The following ADGRG1 variants were observed in gnomAD, a reference collection of about 807,000 sequenced individuals.
The protein encoded by ADGRG1 is 7-transmembrane protein with no EGF-like N-terminal domains-1.
In ADGRG1, 53 loss-of-function variants were observed where a neutral mutation model predicts 73.5. The observed-to-expected ratio is 0.72, with a 90% CI of 0.58 to 0.91. The LOEUF (loss-of-function observed/expected upper bound fraction) is 0.91. ADGRG1 is among the 40% of genes least tolerant of loss of function. The probability of loss-of-function intolerance (pLI) is 0.00; values close to 1 mark genes in which losing one functional copy is unlikely to be tolerated. For synonymous variants in ADGRG1, 394 were observed against 374.4 expected (o/e 1.05, Z -0.60); for missense variants, 795 against 871.8 (o/e 0.91, Z 1.11).
At chr16:57,645,131 C>T in intron 1 of ADGRG1, 1 of 985,468 alleles carries the variant, frequency 1.0e-6, no homozygotes, top group Non-Finnish European at 1.2e-6. Context: ...ACCCCCTGGG[C>T]CAAATCCTTG....
chr16:57,637,227 A>T, intron 1 of ADGRG1: 1 of 732,464 alleles, frequency 1.4e-6, no homozygotes, highest in Non-Finnish European at 1.7e-6. Context: ...AATGAGCTTC[A>T]TCATTTCAGT....
At chr16:57,644,080 G>C (rs2041579047) in intron 1 of ADGRG1, 1 of 985,374 alleles carries the variant, frequency 1.0e-6, no homozygotes, top group Non-Finnish European at 1.2e-6. Flanking sequence ...GGAAACACCT[G>C]CAAGAGCCCT....
At chr16:57,657,589 G>T in intron 10 of ADGRG1, 98 bp downstream of exon 10, 1 of 938,184 alleles carries the variant, frequency 1.1e-6, no homozygotes, top group South Asian at 1.3e-5. Flanking sequence ...CCGCCCGCAT[G>T]ACCTGGAACT....
chr16:57,651,874 G>A, intron 3 of ADGRG1: 1 of 1,428,296 alleles, frequency 7.0e-7, no homozygotes, highest in East Asian at 2.6e-5. Flanking sequence ...GGGTGAGGAT[G>A]GAAGGGCAAG....
In ADGRG1 at chr16:57,651,360, C is replaced by T. The variant is rs2044047426; in HGVS notation, c.225C>T (p.His75=). 2 of 1,614,232 alleles carry T rather than the reference C, an allele frequency of 1.2e-6. No individual in the cohort carries two copies. Among genetic ancestry groups the T allele is most frequent in the Non-Finnish European group, 1.7e-6 (2 of 1,180,042 alleles). ...LTVHAPFPAA[H]PASRSFPDPR... is the part of the protein sequence containing the mutation. ...TCCATGCCCCTTTCCCTGCAGCCCACCCTGCTTCCCGATCCTTCCCTGACC... is the reference window on the plus strand; with the variant it reads ...TCCATGCCCCTTTCCCTGCAGCCCATCCTGCTTCCCGATCCTTCCCTGACC... The change falls in exon 3 of 14, where the codon CAC becomes CAT. Residue 75 remains histidine (H), a synonymous_variant. Transcript: ENST00000562631.
chr16:57,648,614 G>T (rs1194969098), intron 1 of ADGRG1: 1 of 984,798 alleles, frequency 1.0e-6, no homozygotes, highest in African/African-American at 1.7e-5. Flanking sequence ...TGCTCTCAAT[G>T]ATTTGGTTCA....
At chr16:57,648,335 C>A in intron 1 of ADGRG1, 1 of 423,134 alleles carries the variant, frequency 2.4e-6, no homozygotes, top group Non-Finnish European at 3.2e-6. Flanking sequence ...AATCAAAATG[C>A]TTACAAATCA....
chr16:57,657,241 G>A (rs2045953552), intron 9 of ADGRG1, 132 bp from the exon 10 acceptor site: 1 of 1,300,524 alleles, frequency 7.7e-7, no homozygotes, highest in African/African-American at 1.5e-5. Flanking sequence ...ACCACATTCT[G>A]CTCAGTTGGG....
chr16:57,638,970 T>C (rs1400096943), intron 1 of ADGRG1, among the ~76,000 whole-genome samples: 2 of 151,430 alleles, frequency 1.3e-5, no homozygotes, highest in Non-Finnish European at 2.9e-5. Flanking sequence ...CTCGGGAGGC[T>C]GAGGCAGGAG....
At chr16:57,656,100 C>A in intron 7 of ADGRG1, 108 bp downstream of exon 7, 5 of 1,613,114 alleles carry the variant, frequency 3.1e-6, no homozygotes, top group Non-Finnish European at 4.2e-6. Context: ...ATTGCCTGAT[C>A]GAGCAGTCAG....
rs114787462 is a variant in ADGRG1, at chr16:57,629,798, C to T, written c.-36+996C>T. On this transcript the variant is annotated intron_variant, in intron 1 of 13. Transcript: ENST00000562631. ...ATAGGACTTCCCACCCTGGTCCCCG[C>T]GGGGGCTGGGAGTGTGTAGGAAACC... Among the ~76,000 whole-genome samples, 864 of 152,292 alleles carry T rather than the reference C, an allele frequency of 5.7e-3. 12 individuals carry two copies. The highest frequency in any genetic ancestry group is 0.019 in the African/African-American group (784 of 41,568).
intron 5 of ADGRG1, 96 bp from the exon 6 acceptor site, chr16:57,655,303 G>A (rs1366472246): frequency 2.5e-5 from 39 of 1,583,288 alleles, no homozygotes; most frequent in Admixed American, 1.2e-4. Flanking sequence ...AAGTGGCAGC[G>A]TCCAGGAACG....
At chr16:57,640,775 G>C (rs1171779943) in intron 1 of ADGRG1, 1 of 489,260 alleles carries the variant, frequency 2.0e-6, no homozygotes. Flanking sequence ...ACCTCGAGGA[G>C]GGGGAGGAAA....
chr16:57,655,582 CAG>C, intron 6 of ADGRG1, 52 bp downstream of exon 6: 1 of 1,611,994 alleles, frequency 6.2e-7, no homozygotes, highest in Non-Finnish European at 8.5e-7. Flanking sequence ...TTTTTTCTGA[CAG>C]AGGTGGAAAG....
At chr16:57,642,948 A>C (rs2041230554) in intron 1 of ADGRG1, 1 of 152,232 alleles carries the variant, frequency 6.6e-6, no homozygotes, top group African/African-American at 2.4e-5. Flanking sequence ...GGTTACTGTG[A>C]GGATTGAACA....
At chr16:57,644,489 C>T (rs1396242957) in intron 1 of ADGRG1, among the ~76,000 whole-genome samples, 1 of 148,630 alleles carries the variant, frequency 6.7e-6, no homozygotes, top group Non-Finnish European at 1.5e-5. Context: ...CCCATGCACA[C>T]ACATATGCAC....
At position 57,628,668 on chromosome 16, in the gene ADGRG1, C is replaced by A; in HGVS notation, c.-170C>A. On this transcript the variant is annotated 5_prime_UTR_variant, in exon 1 of 14. The change creates a new upstream start codon in the 5' untranslated region. Transcript: ENST00000562631. ...GCCCTGCCCTGCCGTAGGAGATGGG[C>A]TGGGAGCCTCCCACGCTCTCCAGCT... The A allele has an allele frequency of 1.0e-6, 1 of 985,532 alleles. No homozygotes were observed. The highest frequency in any genetic ancestry group is 1.2e-6 in the Non-Finnish European group (1 of 829,990). The allele number at this position is 985,532 out of a possible 1,614,324, so 61.0% of individuals were successfully genotyped here.
rs1363498708 is a variant in ADGRG1 at position 57,631,156 on chromosome 16, C to T, written c.-36+2354C>T. On this transcript the variant is annotated intron_variant, in intron 1 of 13. Transcript: ENST00000562631. ...GGAGCAGCTTCACGTGTGAGGGAGA[C>T]GAGGGGGAGGTGGCGCCCAGTCGAG... 1.4e-5 allele frequency: 14 copies of T among 985,920 alleles called. No individual in the cohort carries two copies. In the South Asian group the frequency reaches 1.9e-4, roughly 13 times the overall value. 61.1% of individuals were successfully genotyped at this position (985,920 alleles called of 1,614,324 possible). A position where few individuals can be genotyped will look rare whatever the true frequency, so the allele number is the denominator to read the frequency against.
At chr16:57,655,726 A>G in intron 6 of ADGRG1, 150 bp from the exon 7 acceptor site, 3 of 1,602,900 alleles carry the variant, frequency 1.9e-6, no homozygotes, top group South Asian at 2.2e-5. Context: ...GTAAATGACT[A>G]CATGGGCAAA....
Sources: allele counts gnomAD v4.1 joint callset (sites outside exome capture counted in the v4.1 genomes callset), GRCh38; gene constraint gnomAD v4.1.1; transcripts MANE v1.5; gene names NCBI Gene and HGNC (gene_info 2026-07-23, HGNC 2026-07-21).